PDE7B: variants seen among roughly 807,000 people sequenced by gnomAD.
The protein encoded by PDE7B is phosphodiesterase 7B.
PDE7B carries 29 observed loss-of-function variants against 56.2 expected under a neutral mutation model. The ratio of observed to expected loss-of-function variants is 0.52; its 90% CI spans 0.38 to 0.70. PDE7B has a LOEUF of 0.70. Ranked by LOEUF, PDE7B falls within the 30% of genes least tolerant of loss-of-function variation. PDE7B has a pLI of 0.00. For synonymous variants in PDE7B, 197 were observed against 196.9 expected (o/e 1.00, Z 0.00); for missense variants, 490 against 565.0 (o/e 0.87, Z 1.35).
At chr6:135,983,580 C>A (rs1437462224) in intron 2 of PDE7B, among the ~76,000 whole-genome samples, 2 of 152,032 alleles carry the variant, frequency 1.3e-5, no homozygotes, top group Non-Finnish European at 2.9e-5. Context: ...TTTTAAAATT[C>A]AATTGAAATA....
chr6:136,158,782 T>C (rs917193299), intron 8 of PDE7B, among the ~76,000 whole-genome samples: 3 of 152,094 alleles, frequency 2.0e-5, no homozygotes, highest in Non-Finnish European at 4.4e-5. Flanking sequence ...GTGTCCAGGG[T>C]GGACTGGGAG....
intron 1 of PDE7B, among the ~76,000 whole-genome samples, chr6:135,936,849 T>A (rs1774430480): frequency 6.6e-6 from 1 of 152,240 alleles, no homozygotes; most frequent in Admixed American, 6.5e-5. Context: ...ACATTCTTCA[T>A]AATACAGTCA....
At chr6:135,882,327 A>T (rs1775625447) in intron 1 of PDE7B, among the ~76,000 whole-genome samples, 1 of 152,140 alleles carries the variant, frequency 6.6e-6, no homozygotes, top group African/African-American at 2.4e-5. Flanking sequence ...AACCTCATGT[A>T]AAAAAATAAA....
chr6:135,905,250 C>CTT (rs1486795911), intron 1 of PDE7B, among the ~76,000 whole-genome samples: 1 of 151,880 alleles, frequency 6.6e-6, no homozygotes, highest in African/African-American at 2.4e-5. Flanking sequence ...GTAAATTGAC[C>CTT]TGAGTTTTAT....
intron 2 of PDE7B, among the ~76,000 whole-genome samples, chr6:136,062,950 T>C (rs1166068823): frequency 6.6e-6 from 1 of 152,146 alleles, no homozygotes; most frequent in East Asian, 1.9e-4. Flanking sequence ...CACTGACCCA[T>C]GTTTAGATTT....
In PDE7B at chr6:136,178,867, C is replaced by T. The variant is rs1779019818; in HGVS notation, c.804-130C>T. On this transcript the variant is annotated intron_variant, in intron 9 of 12. Coordinates refer to ENST00000308191, the MANE Select transcript of PDE7B (RefSeq NM_018945.4). The stretch of plus-strand genomic sequence containing the variant: ...TTGCTCTCAGGCAGTGAAGGACTGG[C>T]ACATTGTGTAATAAACAGAATCAAA... 4 of 959,540 alleles carry T rather than the reference C, an allele frequency of 4.2e-6. No individual in the cohort carries two copies. The South Asian group carries it at 6.1e-5, about 15-fold the overall frequency. 59.4% of individuals were successfully genotyped at this position (959,540 alleles called of 1,614,324 possible).
At chr6:136,164,714 A>G (rs1217243438) in intron 8 of PDE7B, among the ~76,000 whole-genome samples, 1 of 152,228 alleles carries the variant, frequency 6.6e-6, no homozygotes, top group Non-Finnish European at 1.5e-5. Flanking sequence ...GAGAAATATG[A>G]TAGGATGACA....
intron 2 of PDE7B, among the ~76,000 whole-genome samples, chr6:136,000,455 A>G (rs971288674): frequency 1.3e-5 from 2 of 152,186 alleles, no homozygotes; most frequent in Admixed American, 1.3e-4. Flanking sequence ...TCCAGTTTTA[A>G]TCTTCTGCAC....
chr6:135,954,770 A>G (rs184889327), intron 2 of PDE7B, among the ~76,000 whole-genome samples: 2 of 152,294 alleles, frequency 1.3e-5, no homozygotes, highest in African/African-American at 4.8e-5. Flanking sequence ...GGCATTCCAC[A>G]TTATCCTACT....
At chr6:136,090,477 C>T (rs571877509) in intron 2 of PDE7B, among the ~76,000 whole-genome samples, 92 of 152,276 alleles carry the variant, frequency 6.0e-4, no homozygotes, top group African/African-American at 2.1e-3. Context: ...ACTTGCATTG[C>T]GCCTTCCCTG....
At chr6:136,003,925 T>A (rs1583822629) in intron 2 of PDE7B, among the ~76,000 whole-genome samples, 1 of 152,174 alleles carries the variant, frequency 6.6e-6, no homozygotes, top group South Asian at 2.1e-4. Context: ...ACCAATATCC[T>A]TGATGAACAT....
intron 2 of PDE7B, among the ~76,000 whole-genome samples, chr6:136,075,644 T>G (rs1194514636): frequency 6.6e-6 from 1 of 152,228 alleles, no homozygotes; most frequent in Non-Finnish European, 1.5e-5. Flanking sequence ...CTTCAATGCA[T>G]ACTGTTTCAT....
Position 135,913,835 on chromosome 6 carries a change from G to C in PDE7B, c.22-33629G>C, listed in dbSNP as rs186467831. On this transcript the variant is annotated intron_variant, in intron 1 of 12. Transcript: ENST00000308191. ...TGAAGCACCAGAACAGATATAAAAT[G>C]TTACTTCATGTTATCATTCCCAGTA... Among the ~76,000 whole-genome samples, 355 of 152,250 alleles carry C rather than the reference G, an allele frequency of 2.3e-3. 1 individual carries two copies. The highest frequency in any genetic ancestry group is 0.01 in the Middle Eastern group (3 of 292).
chr6:135,905,905 A>C (rs1007138390), intron 1 of PDE7B, among the ~76,000 whole-genome samples: 1 of 152,086 alleles, frequency 6.6e-6, no homozygotes, highest in Non-Finnish European at 1.5e-5. Context: ...GTTTGAGGAG[A>C]AGCAGGACAG....
At chr6:135,907,538 T>TA (rs1197351650) in intron 1 of PDE7B, among the ~76,000 whole-genome samples, 2 of 152,142 alleles carry the variant, frequency 1.3e-5, no homozygotes, top group Non-Finnish European at 2.9e-5. Flanking sequence ...CAAGCTACTC[T>TA]GCTATGCTCA....
In PDE7B at chr6:136,115,596, C is replaced by T. The variant is rs1350993946; in HGVS notation, c.166+6782C>T. ...CACCTTCTACATCTAAAAGTGAAAA[C>T]AGCCATTGCCTTCTGTTAACCTGTC... is the stretch of plus-strand genomic sequence containing the variant. On this transcript the variant is annotated intron_variant, in intron 3 of 12. Transcript: ENST00000308191. Among the ~76,000 whole-genome samples, 2 of 152,178 alleles carry T rather than the reference C, an allele frequency of 1.3e-5. 1 individual carries two copies. The highest frequency in any genetic ancestry group is 1.3e-4 in the Admixed American group (2 of 15,278).
intron 2 of PDE7B, among the ~76,000 whole-genome samples, chr6:136,074,939 T>C (rs79050067): frequency 1.3e-5 from 2 of 152,208 alleles, no homozygotes; most frequent in Non-Finnish European, 1.5e-5. Context: ...TCTGAATATA[T>C]ACCTAGAAGT....
intron 1 of PDE7B, among the ~76,000 whole-genome samples, chr6:135,911,411 A>G (rs1247117537): frequency 6.6e-6 from 1 of 152,224 alleles, no homozygotes; most frequent in East Asian, 1.9e-4. Context: ...TTTTTCTATA[A>G]CCAAGGATAG....
intron 3 of PDE7B, among the ~76,000 whole-genome samples, chr6:136,132,457 C>T (rs1778134368): frequency 1.3e-5 from 2 of 152,104 alleles, no homozygotes; most frequent in Admixed American, 1.3e-4. Flanking sequence ...AGGTTCCATC[C>T]CTGCTCTGTT....
Sources: allele counts gnomAD v4.1 joint callset (sites outside exome capture counted in the v4.1 genomes callset), GRCh38; gene constraint gnomAD v4.1.1; transcripts MANE v1.5; gene names NCBI Gene and HGNC (gene_info 2026-07-23, HGNC 2026-07-21).